SSPN: variants seen among roughly 807,000 people sequenced by gnomAD.
SSPN encodes sarcospan, also known as K-ras oncogene-associated protein.
A neutral mutation model predicts 19.1 loss-of-function variants in SSPN; 15 were observed. The observed-to-expected ratio is 0.78, with a 90% CI of 0.52 to 1.21. SSPN has a LOEUF of 1.21. SSPN is among the 50% of genes most tolerant of loss of function. SSPN has a pLI of 0.00. For missense variants in SSPN, 291 were observed against 314.0 expected (o/e 0.93, Z 0.55); for synonymous variants, 147 against 140.3 (o/e 1.05, Z -0.34).
At chr12:26,179,919 C>CTTTTTTTTTTTTTT (rs10591596) in intron 1 of SSPN, 3 of 68,268 alleles carry the variant, frequency 4.4e-5, no homozygotes, top group Non-Finnish European at 7.7e-5. Context: ...TTTAGCTAGG[C>CTTTTTTTTTTTTTT]TTTTTTTTTT....
intron 1 of SSPN, chr12:26,124,821 T>C: frequency 1.3e-6 from 2 of 1,599,186 alleles, no homozygotes; most frequent in Non-Finnish European, 1.7e-6. Context: ...TTTTTGGGGC[T>C]CTGTACAATA....
chr12:26,132,565 C>T (rs1395092675), intron 1 of SSPN, among the ~76,000 whole-genome samples: 2 of 152,124 alleles, frequency 1.3e-5, no homozygotes, highest in Admixed American at 1.3e-4. Context: ...CTGTAAAGGC[C>T]ACTAGCAAAG....
upstream of SSPN, among the ~76,000 whole-genome samples, chr12:26,195,045 A>G (rs12818979): frequency 0.042 from 6,458 of 152,268 alleles, 196 homozygotes; most frequent in South Asian, 0.082. Flanking sequence ...AATTAGTCCA[A>G]TATCTTTAGA....
intron 1 of SSPN, among the ~76,000 whole-genome samples, chr12:26,145,436 G>A (rs1944484288): frequency 6.6e-6 from 1 of 152,164 alleles, no homozygotes; most frequent in Admixed American, 6.5e-5. Flanking sequence ...CTTATGGTTG[G>A]GGGTGAAGTG....
At chr12:26,224,555 T>TG (rs1376173866) in intron 2 of SSPN, among the ~76,000 whole-genome samples, 176 bp downstream of exon 2, 1 of 151,466 alleles carries the variant, frequency 6.6e-6, no homozygotes, top group Non-Finnish European at 1.5e-5. Flanking sequence ...TAATGCTGAT[T>TG]TTTTTTTTAA....
chr12:26,170,706 T>C (rs180849325), intron 1 of SSPN, among the ~76,000 whole-genome samples: 36 of 152,350 alleles, frequency 2.4e-4, no homozygotes, highest in African/African-American at 8.7e-4. Flanking sequence ...CAGAATCTGA[T>C]ATTTTGTGTT....
chr12:26,143,082 CAGT>C (rs1166777286), intron 1 of SSPN, among the ~76,000 whole-genome samples: 1 of 152,136 alleles, frequency 6.6e-6, no homozygotes, highest in Non-Finnish European at 1.5e-5. Flanking sequence ...TTGTAGTTCT[CAGT>C]AGGATATCAT....
At chr12:26,159,521 G>T (rs896013632) in intron 1 of SSPN, among the ~76,000 whole-genome samples, 3 of 152,204 alleles carry the variant, frequency 2.0e-5, no homozygotes, top group African/African-American at 4.8e-5. Flanking sequence ...CAGTGCAAGG[G>T]GGATGCCCCA....
At position 26,124,470 on chromosome 12, in the gene SSPN, A is replaced by C. The variant is rs1944344630; in HGVS notation, c.-31+2318A>C. On this transcript the variant is annotated intron_variant, in intron 1 of 2. Coordinates refer to the SSPN transcript ENST00000538142. ...GCTTCACTGTGAAATCAATGGCTCT[A>C]ATTAACTACCCATGCAGGTTATGAG... 1.9e-6 allele frequency: 3 copies of C among 1,565,728 alleles called. No homozygotes were observed. The East Asian group carries it at 6.7e-5, about 35-fold the overall frequency.
intron 1 of SSPN, among the ~76,000 whole-genome samples, chr12:26,140,941 C>G (rs1697806834): frequency 6.6e-6 from 1 of 152,286 alleles, no homozygotes; most frequent in East Asian, 1.9e-4. Context: ...AAATATAAAG[C>G]AGCTCCTGCC....
chr12:26,161,377 G>A (rs1313709528), intron 1 of SSPN, among the ~76,000 whole-genome samples: 1 of 151,968 alleles, frequency 6.6e-6, no homozygotes, highest in Non-Finnish European at 1.5e-5. Context: ...CTCTCTGCCT[G>A]GAGCAGTCTT....
At chr12:26,123,534 G>A (rs1944334335) in intron 1 of SSPN, 7 of 893,946 alleles carry the variant, frequency 7.8e-6, no homozygotes, top group East Asian at 2.4e-5. Context: ...TGAGCCCACG[G>A]AAAGAGATGG....
At chr12:26,208,028 GGA>G (rs1018279980) in intron 1 of SSPN, among the ~76,000 whole-genome samples, 1 of 143,294 alleles carries the variant, frequency 7.0e-6, no homozygotes, top group African/African-American at 2.6e-5. Flanking sequence ...TGGGGGGGGG[GGA>G]TATATAACAG....
At position 26,232,457 on chromosome 12, in the gene SSPN, C is replaced by G. The variant is rs1006399114; in HGVS notation, c.*1381C>G. ...GAAATTCATGAAACATAAATGGTAT[C>G]AAGAACTTTATCAGTATGCTTTGTT... On this transcript the variant is annotated 3_prime_UTR_variant, in exon 3 of 3. Coordinates refer to ENST00000242729, the MANE Select transcript of SSPN (RefSeq NM_005086.5). 100 of 985,392 alleles carry G rather than the reference C, an allele frequency of 1.0e-4. No individual in the cohort carries two copies. Among genetic ancestry groups the G allele is most frequent in the Middle Eastern group, 5.2e-4 (1 of 1,914 alleles). The allele number at this position is 985,392 out of a possible 1,614,324, so 61.0% of individuals were successfully genotyped here. A position where few individuals can be genotyped will look rare whatever the true frequency, so the allele number is the denominator to read the frequency against.
intron 1 of SSPN, among the ~76,000 whole-genome samples, chr12:26,166,208 C>T (rs978132511): frequency 2.0e-5 from 3 of 152,006 alleles, no homozygotes; most frequent in East Asian, 1.9e-4. Flanking sequence ...CACCATGGCA[C>T]GTGTATACCT....
intron 1 of SSPN, among the ~76,000 whole-genome samples, chr12:26,137,741 T>A: frequency 7.0e-6 from 1 of 142,892 alleles, no homozygotes; most frequent in Non-Finnish European, 1.5e-5. Flanking sequence ...CTTGGCTCAT[T>A]GCAACTGCCA....
rs112011982 is a variant in SSPN, at chr12:26,232,017, A to C, written c.*941A>C. On this transcript the variant is annotated 3_prime_UTR_variant, in exon 3 of 3. Coordinates refer to ENST00000242729, the MANE Select transcript of SSPN (RefSeq NM_005086.5). The stretch of plus-strand genomic sequence containing the variant: ...GCCAAGCACCACAAGGAAAAAAAAA[A>C]TTATTAATAGCTCAGGTTAAAAACA... 1.1e-6 allele frequency: 1 copy of C among 943,292 alleles called. No individual in the cohort carries two copies. The highest frequency in any genetic ancestry group is 1.8e-5 in the African/African-American group (1 of 54,816). The allele number at this position is 943,292 out of a possible 1,614,324, so 58.4% of individuals were successfully genotyped here.
chr12:26,230,767 C>G lies in SSPN; in HGVS notation c.423C>G (p.Ala141=). The stretch of plus-strand genomic sequence containing the variant: ...TGACGGTCTGTGTGCTGGCCGTGGC[C>G]TTTGCCGCCCACCACTATTCGCAGC... The part of the protein sequence containing the change: ...LGLTVCVLAV[A]FAAHHYSQLT... The change falls in exon 3 of 3, where the codon GCC becomes GCG. Residue 141 remains alanine (A), a synonymous_variant. Coordinates refer to ENST00000242729, the MANE Select transcript of SSPN (RefSeq NM_005086.5). 6 of 1,614,226 alleles carry G rather than the reference C, an allele frequency of 3.7e-6. No homozygotes were observed. The highest frequency in any genetic ancestry group is 5.1e-6 in the Non-Finnish European group (6 of 1,180,044).
chr12:26,198,162 GT>G (rs967023341), intron 1 of SSPN, among the ~76,000 whole-genome samples: 6 of 147,526 alleles, frequency 4.1e-5, no homozygotes, highest in African/African-American at 1.5e-4. Flanking sequence ...ATAACTTTGA[GT>G]TTTGGGGGGG....
Sources: allele counts gnomAD v4.1 joint callset (sites outside exome capture counted in the v4.1 genomes callset), GRCh38; gene constraint gnomAD v4.1.1; transcripts MANE v1.5; gene names NCBI Gene and HGNC (gene_info 2026-07-23, HGNC 2026-07-21).